Variants in ATAD2B observed in about 807,000 individuals in gnomAD.
The protein encoded by ATAD2B is ATPase family AAA domain-containing protein 2B.
Under a neutral mutation model 167.6 loss-of-function variants are expected in ATAD2B, and 40 were observed. That is an observed-to-expected ratio of 0.24 (90% CI 0.19 to 0.31). The LOEUF (loss-of-function observed/expected upper bound fraction) is 0.31, where lower values mean the gene tolerates loss of function less well. ATAD2B is among the 10% of genes least tolerant of loss of function. The pLI is 1.00. For missense variants in ATAD2B, 1,242 were observed against 1,757.2 expected (o/e 0.71, Z 5.24); for synonymous variants, 579 against 596.5 (o/e 0.97, Z 0.43).
Position 23,851,012 on chromosome 2 carries a change from C to T in ATAD2B, c.1568+6403G>A, listed in dbSNP as rs535183879. Among the ~76,000 whole-genome samples, 4 of 152,284 alleles carry T rather than the reference C, an allele frequency of 2.6e-5. No individual in the cohort carries two copies. In the East Asian group the frequency reaches 7.7e-4, roughly 29 times the overall value. On this transcript the variant is annotated intron_variant, in intron 13 of 27. Transcript: ENST00000238789. The stretch of plus-strand genomic sequence containing the variant: ...TGGTCTTTTCTACCATTTAAGGACA[C>T]AAGAGAAGTCATCAGAACCAGAAAG...
At chr2:23,854,223 C>A (rs1327563232) in intron 13 of ATAD2B, among the ~76,000 whole-genome samples, 5 of 150,110 alleles carry the variant, frequency 3.3e-5, no homozygotes, top group Non-Finnish European at 5.9e-5. Context: ...CCAGCCTGGG[C>A]AACAGAGTGA....
At position 23,751,190 on chromosome 2, in the gene ATAD2B, G is replaced by GT. The variant is rs1454047880; in HGVS notation, c.*855dup. The GT allele has an allele frequency of 1.3e-5, 2 of 151,704 alleles. No homozygotes were observed. Among genetic ancestry groups the GT allele is most frequent in the Admixed American group, 6.6e-5 (1 of 15,212 alleles). 9.4% of individuals were successfully genotyped at this position (151,704 alleles called of 1,614,324 possible). On this transcript the variant is annotated 3_prime_UTR_variant, in exon 28 of 28. Transcript: ENST00000238789. ...CAAAACGTGTGCAGTTTTGTTTTTT[G>GT]TTTTTTTGTGTGTGGACTGTGTATT...
intron 25 of ATAD2B, among the ~76,000 whole-genome samples, chr2:23,755,934 G>A (rs1257449516): frequency 6.6e-6 from 1 of 152,118 alleles, no homozygotes; most frequent in African/African-American, 2.4e-5. Context: ...TGAAAACTCA[G>A]ATTAGGATAC....
chr2:23,887,713 G>A, intron 4 of ATAD2B, 119 bp downstream of exon 4: 4 of 885,256 alleles, frequency 4.5e-6, no homozygotes, highest in Non-Finnish European at 6.6e-6. Context: ...CCAGCTTCAA[G>A]TTAAGTTTTT....
chr2:23,783,586 A>G (rs1680377166), intron 21 of ATAD2B, among the ~76,000 whole-genome samples: 1 of 152,086 alleles, frequency 6.6e-6, no homozygotes, highest in Non-Finnish European at 1.5e-5. Flanking sequence ...CCTAACCAGT[A>G]CGAGATCTGC....
chr2:23,921,114 C>T (rs964108928), intron 1 of ATAD2B, among the ~76,000 whole-genome samples: 1 of 133,912 alleles, frequency 7.5e-6, no homozygotes, highest in Non-Finnish European at 1.5e-5. Context: ...GCTGAGGCAG[C>T]AGAATTGCTT....
intron 17 of ATAD2B, among the ~76,000 whole-genome samples, chr2:23,814,589 C>T (rs909037479): frequency 1.3e-5 from 2 of 152,072 alleles, no homozygotes; most frequent in Non-Finnish European, 2.9e-5. Flanking sequence ...AAGAACATGG[C>T]TCTTTGGGGT....
chr2:23,855,398 A>G (rs1356648927), intron 13 of ATAD2B, among the ~76,000 whole-genome samples: 2 of 152,228 alleles, frequency 1.3e-5, no homozygotes, highest in African/African-American at 4.8e-5. Flanking sequence ...TAAATCCATT[A>G]CTGTACACCC....
At chr2:23,910,503 T>C (rs1475648873) in intron 1 of ATAD2B, among the ~76,000 whole-genome samples, 1 of 151,894 alleles carries the variant, frequency 6.6e-6, no homozygotes, top group East Asian at 1.9e-4. Flanking sequence ...CTTCATTGTC[T>C]GGTCACTCAA....
the ATAD2B span, chr2:23,708,518 A>G: frequency 6.6e-6 from 1 of 152,220 alleles, no homozygotes; most frequent in African/African-American, 2.4e-5. Flanking sequence ...AATGATATAA[A>G]ACAGGGTTCT....
intron 17 of ATAD2B, among the ~76,000 whole-genome samples, chr2:23,818,096 T>TACACAC (rs70941591): frequency 3.6e-5 from 5 of 139,534 alleles, no homozygotes; most frequent in Non-Finnish European, 4.7e-5. Context: ...ACACACACAT[T>TACACAC]ACACACACAC....
intron 22 of ATAD2B, among the ~76,000 whole-genome samples, chr2:23,773,294 C>T (rs1417386477): frequency 6.6e-6 from 1 of 152,154 alleles, no homozygotes; most frequent in Non-Finnish European, 1.5e-5. Context: ...TTGCTTGAGG[C>T]CAGGAGTTTC....
the ATAD2B span, among the ~76,000 whole-genome samples, chr2:23,692,904 C>T: frequency 6.6e-6 from 1 of 152,160 alleles, no homozygotes; most frequent in African/African-American, 2.4e-5. Context: ...ATGGAAGATG[C>T]TGTAAGCCTC....
In ATAD2B at chr2:23,871,953, C is replaced by A. The variant is rs547359954; in HGVS notation, c.978-2192G>T. Among the ~76,000 whole-genome samples, 277 of 152,274 alleles carry A rather than the reference C, an allele frequency of 1.8e-3. 2 individuals are homozygous for A. Among genetic ancestry groups the A allele is most frequent in the Non-Finnish European group, 3.0e-3 (201 of 68,034 alleles). On this transcript the variant is annotated intron_variant, in intron 8 of 27. Coordinates refer to ENST00000238789, the MANE Select transcript of ATAD2B (RefSeq NM_017552.4). ...AGTGCAATGGCGCAATCTCGACTCA[C>A]TGCAACCACTGTCTCCTGGGTTCAC...
the ATAD2B span, among the ~76,000 whole-genome samples, chr2:23,711,980 CAGAAA>C: frequency 0.012 from 1,836 of 152,276 alleles, 22 homozygotes; most frequent in Non-Finnish European, 0.019. Flanking sequence ...GAAACAGTCT[CAGAAA>C]AGTGGCTTGC....
At chr2:23,910,834 C>A (rs1183955826) in intron 1 of ATAD2B, among the ~76,000 whole-genome samples, 1 of 151,896 alleles carries the variant, frequency 6.6e-6, no homozygotes, top group Non-Finnish European at 1.5e-5. Flanking sequence ...CACCACTGCA[C>A]TCCAGCCTGG....
At chr2:23,773,428 G>T (rs934811738) in intron 22 of ATAD2B, among the ~76,000 whole-genome samples, 1 of 152,156 alleles carries the variant, frequency 6.6e-6, no homozygotes, top group Non-Finnish European at 1.5e-5. Context: ...CTTGAGCCAG[G>T]GAGGTCGATG....
chr2:23,924,177 G>T (rs145309966), intron 1 of ATAD2B, among the ~76,000 whole-genome samples: 1 of 151,716 alleles, frequency 6.6e-6, no homozygotes, highest in Non-Finnish European at 1.5e-5. Context: ...GCGAGACTCC[G>T]TCTCAAAAAA....
chr2:23,866,177 G>A (rs762607837), intron 10 of ATAD2B, among the ~76,000 whole-genome samples: 20 of 152,164 alleles, frequency 1.3e-4, no homozygotes, highest in African/African-American at 2.4e-4. Context: ...AGGCCAAGGC[G>A]GGAGGATCAC....
Sources: gnomAD v4.1 joint callset for allele counts (sites outside exome capture counted in the v4.1 genomes callset) on GRCh38, gnomAD v4.1.1 for gene constraint, MANE v1.5 for transcripts, NCBI Gene and HGNC (gene_info 2026-07-23, HGNC 2026-07-21) for gene names.